The following VDAC2 variants were observed in gnomAD, a reference collection of about 807,000 sequenced individuals.
VDAC2 encodes the protein non-selective voltage-gated ion channel VDAC2.
VDAC2 carries 6 observed loss-of-function variants against 36.6 expected under a neutral mutation model. The observed-to-expected ratio is 0.16, with a 90% confidence interval of 0.09 to 0.32. The LOEUF (loss-of-function observed/expected upper bound fraction) is 0.32. VDAC2 is among the 10% of genes least tolerant of loss of function. The pLI is 1.00. For synonymous variants in VDAC2, 109 were observed against 123.8 expected (o/e 0.88, Z 0.79); for missense variants, 247 against 346.0 (o/e 0.71, Z 2.27).
chr10:75,211,608 T>G (rs1222733789), intron 2 of VDAC2: 5 of 1,550,472 alleles, frequency 3.2e-6, no homozygotes, highest in Non-Finnish European at 4.4e-6. Context: ...TGAGCTCAGA[T>G]TGCCTGCCCT....
chr10:75,218,554 G>T (rs1458593874), intron 4 of VDAC2, among the ~76,000 whole-genome samples: 2 of 152,150 alleles, frequency 1.3e-5, no homozygotes, highest in South Asian at 4.1e-4. Context: ...CTGAGGTCAG[G>T]AGTTGGAGAC....
rs374562390 is a variant in VDAC2, at chr10:75,211,114, A to C, written c.-25-20A>C. ...TGGCCCTTTGACCCCAGCTTACCGC[A>C]CTTCTTGTCCCTCCCGCAGATTCCC... On this transcript the variant is annotated intron_variant, in intron 1 of 9. Transcript: ENST00000332211. 1.3e-6 allele frequency: 2 copies of C among 1,597,830 alleles called. No homozygotes were observed.
intron 8 of VDAC2, 108 bp downstream of exon 8, chr10:75,222,510 T>A: frequency 7.1e-7 from 1 of 1,404,546 alleles, no homozygotes; most frequent in Non-Finnish European, 9.8e-7. Flanking sequence ...GTCCCCAGTT[T>A]ACAGATAGAT....
At position 75,213,979 on chromosome 10, in the gene VDAC2, C is replaced by G; in HGVS notation, c.101-42C>G. On this transcript the variant is annotated intron_variant, in intron 3 of 9. Transcript: ENST00000332211. ...CAACAATTGCTATGCATCTTTCATA[C>G]AAAGGAATCATTTTGTTTCTTTTGC... is the stretch of plus-strand genomic sequence containing the variant. 4 of 1,603,826 alleles carry G rather than the reference C, an allele frequency of 2.5e-6. No homozygotes were observed. In the South Asian group the frequency reaches 4.4e-5, roughly 18 times the overall value.
chr10:75,227,632 A>G (rs1211224466), intron 8 of VDAC2, among the ~76,000 whole-genome samples: 2 of 119,278 alleles, frequency 1.7e-5, no homozygotes, highest in Non-Finnish European at 3.1e-5. Flanking sequence ...CCCTGGCTGG[A>G]GTGCAGTGGT....
chr10:75,211,850 C>A (rs1226932612), intron 2 of VDAC2, among the ~76,000 whole-genome samples: 1 of 152,170 alleles, frequency 6.6e-6, no homozygotes, highest in South Asian at 2.1e-4. Context: ...TCTTAGGTTT[C>A]GGTTTTATCT....
At chr10:75,216,126 G>A (rs2132258595) in intron 4 of VDAC2, among the ~76,000 whole-genome samples, 1 of 151,836 alleles carries the variant, frequency 6.6e-6, no homozygotes, top group East Asian at 2.0e-4. Flanking sequence ...TGACTTATTT[G>A]GCCAAGTTAA....
rs565525915 is a variant in VDAC2, at chr10:75,223,397, A to G, written c.735+995A>G. On this transcript the variant is annotated intron_variant, in intron 8 of 9. Coordinates refer to ENST00000332211, the MANE Select transcript of VDAC2 (RefSeq NM_001391963.1). ...GTGGCATTTTAACAGATTTAATGTA[A>G]GTGGAAGAAGCTTCTCTCAGCTACT... Among the ~76,000 whole-genome samples, 9 of 152,308 alleles carry G rather than the reference A, an allele frequency of 5.9e-5. No homozygotes were observed. In the South Asian group the frequency reaches 1.9e-3, roughly 32 times the overall value.
At chr10:75,218,035 C>G in intron 4 of VDAC2, 2 of 847,388 alleles carry the variant, frequency 2.4e-6, no homozygotes, top group Non-Finnish European at 3.4e-6. Context: ...CTGCAGTCAG[C>G]TGTGATCACA....
intron 4 of VDAC2, chr10:75,218,356 T>C (rs1444285128): frequency 6.6e-6 from 1 of 152,452 alleles, no homozygotes; most frequent in East Asian, 1.9e-4. Context: ...GGTCTTGCTA[T>C]GTTGCCCAGG....
At chr10:75,217,927 C>T (rs1277245507) in intron 4 of VDAC2, 24 of 1,288,702 alleles carry the variant, frequency 1.9e-5, no homozygotes, top group South Asian at 2.5e-5. Context: ...ATTATTTTCA[C>T]ATCAGCTGTC....
chr10:75,216,647 T>A (rs1042037750), intron 4 of VDAC2, among the ~76,000 whole-genome samples: 18 of 152,186 alleles, frequency 1.2e-4, no homozygotes, highest in Non-Finnish European at 2.5e-4. Flanking sequence ...GGCCCAACTC[T>A]GGTCCCACAG....
intron 8 of VDAC2, among the ~76,000 whole-genome samples, chr10:75,224,452 T>G (rs997620725): frequency 6.6e-6 from 1 of 151,894 alleles, no homozygotes; most frequent in Non-Finnish European, 1.5e-5. Context: ...GATAAATGGA[T>G]GGGAAATGAG....
upstream of VDAC2, chr10:75,210,200 C>G (rs551837403): frequency 2.3e-4 from 35 of 152,704 alleles, no homozygotes; most frequent in African/African-American, 7.9e-4. Flanking sequence ...CACAGCAAGG[C>G]AGTCACACCA....
intron 6 of VDAC2, among the ~76,000 whole-genome samples, chr10:75,219,784 C>CT (rs568009672): frequency 0.084 from 11,621 of 138,774 alleles, 620 homozygotes; most frequent in African/African-American, 0.14. Flanking sequence ...CACGCCCAGC[C>CT]TTTTTTTTTT....
At position 75,210,845 on chromosome 10, in the gene VDAC2, C is replaced by G. The variant is rs527684522; in HGVS notation, c.-119C>G. ...AACGGTGTCTCCTTCACTTCGCCCT[C>G]CAGCTGCTGGAGCTGCAGCCCGACC... is the stretch of plus-strand genomic sequence containing the variant. On this transcript the variant is annotated 5_prime_UTR_variant, in exon 1 of 10. Transcript: ENST00000332211. 3.2e-6 allele frequency: 1 copy of G among 316,636 alleles called. No homozygotes were observed. Among genetic ancestry groups the G allele is most frequent in the East Asian group, 5.3e-5 (1 of 18,914 alleles). The allele number at this position is 316,636 out of a possible 1,614,324, so 19.6% of individuals were successfully genotyped here.
chr10:75,212,395 T>C (rs777752614), intron 3 of VDAC2, 97 bp downstream of exon 3: 5 of 1,101,452 alleles, frequency 4.5e-6, no homozygotes, highest in Non-Finnish European at 6.5e-6. Flanking sequence ...ATTGTAAATA[T>C]CTTGCTGCTT....
chr10:75,227,901 T>TC (rs1418836034), intron 8 of VDAC2, among the ~76,000 whole-genome samples: 64 of 147,444 alleles, frequency 4.3e-4, no homozygotes, highest in African/African-American at 1.3e-3. Context: ...TTTCTTTCTT[T>TC]TTTTTTTTTT....
At chr10:75,213,941 T>A in intron 3 of VDAC2, 80 bp from the exon 4 acceptor site, 1 of 1,401,914 alleles carries the variant, frequency 7.1e-7, no homozygotes, top group Non-Finnish European at 1.0e-6. Flanking sequence ...TCTTTTTGTT[T>A]TTTATGTATA....
Sources: allele counts gnomAD v4.1 joint callset (sites outside exome capture counted in the v4.1 genomes callset), GRCh38; gene constraint gnomAD v4.1.1; transcripts MANE v1.5; gene names NCBI Gene and HGNC (gene_info 2026-07-23, HGNC 2026-07-21).